LRP1: variants seen among roughly 807,000 people sequenced by gnomAD.
LRP1 encodes prolow-density lipoprotein receptor-related protein 1.
A neutral mutation model predicts 541.5 loss-of-function variants in LRP1; 51 were observed. The observed-to-expected ratio is 0.09, with a 90% CI of 0.08 to 0.12. The LOEUF (loss-of-function observed/expected upper bound fraction) is 0.12. Ranked by LOEUF, LRP1 falls within the 10% of genes least tolerant of loss-of-function variation. LRP1 has a pLI of 1.00. For synonymous variants in LRP1, 2,219 were observed against 2,470.8 expected (o/e 0.90, Z 3.02); for missense variants, 3,878 against 6,376.2 (o/e 0.61, Z 13.34).
Position 57,199,305 on chromosome 12 carries a change from C to T in LRP1, c.9770C>T (p.Ala3257Val), listed in dbSNP as rs1478862332. The change falls in exon 61 of 89, where the codon GCC becomes GTC. Residue 3257 changes from alanine to valine, a missense_variant. Physicochemically the swap from Ala to Val is moderately conservative, Grantham distance 64 (BLOSUM62 0). Coordinates refer to ENST00000243077, the MANE Select transcript of LRP1 (RefSeq NM_002332.3). ...TGGGAAACAAAGTCCATTAACCGAG[C>T]CCACAAGACCACGGGCACCAACAAA... ...TDWETKSINR[A>V]HKTTGTNKTL... is the part of the protein sequence containing the mutation. 8.1e-6 allele frequency: 13 copies of T among 1,613,802 alleles called. No homozygotes were observed. The highest frequency in any genetic ancestry group is 1.0e-5 in the Non-Finnish European group (12 of 1,179,980).
At position 57,195,943 on chromosome 12, in the gene LRP1, G is replaced by A. The variant is rs1276547517; in HGVS notation, c.8641G>A (p.Glu2881Lys). 5 of 1,613,584 alleles carry A rather than the reference G, an allele frequency of 3.1e-6. No homozygotes were observed. The highest frequency in any genetic ancestry group is 4.2e-6 in the Non-Finnish European group (5 of 1,180,038). Residue 2881 changes from glutamate (E) to lysine (K), a missense_variant, in exon 54 of 89, where the codon GAG becomes AAG. Coordinates refer to ENST00000243077, the MANE Select transcript of LRP1 (RefSeq NM_002332.3). The stretch of plus-strand genomic sequence containing the variant: ...CTCCCGCCAGTGGGAGTGTGATGGC[G>A]AGAATGACTGCCACGACCAGAGTGA... ...LSSRQWECDG[E>K]NDCHDQSDEA...
chr12:57,198,511 A>G lies in LRP1; in HGVS notation c.9517A>G (p.Ile3173Val), dbSNP rs771879402. 4.3e-6 allele frequency: 7 copies of G among 1,614,114 alleles called. No homozygotes were observed. Among genetic ancestry groups the G allele is most frequent in the African/African-American group, 1.3e-5 (1 of 75,070 alleles). ...GGGTGACCATTCACTGATCGGCCGC[A>G]TCGGCATGGATGGGTCCAGCCGCAG... ...DWGDHSLIGR[I>V]GMDGSSRSVI... Residue 3173 changes from isoleucine to valine, a missense_variant, in exon 60 of 89, where the codon ATC (isoleucine) becomes GTC (valine). By Grantham distance (29) the Ile-to-Val change is conservative. This residue lies in a region of LRP1 where 1,100 missense variants were observed against 1,827.4 expected (regional missense o/e 0.60). Coordinates refer to ENST00000243077, the MANE Select transcript of LRP1 (RefSeq NM_002332.3).
chr12:57,161,592 C>G (rs568889856), intron 13 of LRP1, among the ~76,000 whole-genome samples: 1 of 152,252 alleles, frequency 6.6e-6, no homozygotes, highest in Non-Finnish European at 1.5e-5. Context: ...CCCTGACCCC[C>G]TCTCTGGTCT....
At chr12:57,152,665 G>C (rs1004905640) in intron 6 of LRP1, among the ~76,000 whole-genome samples, 3 of 152,194 alleles carry the variant, frequency 2.0e-5, no homozygotes, top group African/African-American at 7.2e-5. Context: ...AGTACTGGGG[G>C]CCCAGAGGAA....
intron 4 of LRP1, 38 bp from the exon 5 acceptor site, chr12:57,144,934 C>G (rs1171804346): frequency 1.2e-6 from 2 of 1,604,752 alleles, no homozygotes; most frequent in Non-Finnish European, 1.7e-6. Context: ...GCCCTTGTCA[C>G]ACTGGAAATG....
At chr12:57,145,899 G>A (rs1175787288) in intron 6 of LRP1, among the ~76,000 whole-genome samples, 1 of 152,128 alleles carries the variant, frequency 6.6e-6, no homozygotes, top group Non-Finnish European at 1.5e-5. Flanking sequence ...AGGAGCTGGG[G>A]CCCAGCTGCT....
chr12:57,158,427 G>A lies in LRP1; in HGVS notation c.1587G>A (p.Val529=), dbSNP rs766962176. The A allele has an allele frequency of 1.9e-6, 3 of 1,612,950 alleles. No homozygotes were observed. Among genetic ancestry groups the A allele is most frequent in the Non-Finnish European group, 1.7e-6 (2 of 1,178,988 alleles). ...CKKPEHELFL[V]YGKGRPGIIR... ...AGCCGGAGCATGAGCTGTTCCTCGTGTATGGCAAGGGCCGGCCAGGCATCA... is the reference window on the plus strand; with the variant it reads ...AGCCGGAGCATGAGCTGTTCCTCGTATATGGCAAGGGCCGGCCAGGCATCA... Residue 529 remains valine (V), a synonymous_variant, in exon 11 of 89, where the codon GTG becomes GTA. Coordinates refer to ENST00000243077, the MANE Select transcript of LRP1 (RefSeq NM_002332.3). This position sits in a 1 kb window ranked among gnomAD's most constrained non-coding sequence, Gnocchi z 5.3.
chr12:57,198,111 C>A, intron 58 of LRP1, 45 bp from the exon 59 acceptor site: 1 of 1,546,184 alleles, frequency 6.5e-7, no homozygotes, highest in South Asian at 1.1e-5. Context: ...TGCAGGTCCT[C>A]CCCCAGGTCA....
At chr12:57,187,118 G>T (rs974671789) in intron 41 of LRP1, 149 bp from the exon 42 acceptor site, 9 of 720,586 alleles carry the variant, frequency 1.2e-5, no homozygotes, top group African/African-American at 1.8e-5. Flanking sequence ...TGGTGCCCCC[G>T]AGCCCTCTCT....
In LRP1 at chr12:57,205,879, G is replaced by C. The variant is rs1452406102; in HGVS notation, c.11590+202G>C. On this transcript the variant is annotated intron_variant, in intron 75 of 88. Coordinates refer to ENST00000243077, the MANE Select transcript of LRP1 (RefSeq NM_002332.3). This position sits in a 1 kb window ranked among gnomAD's most constrained non-coding sequence, Gnocchi z 4.6. Reference sequence around the variant, plus strand: ...GGGGCTGGCTGACTGAAGGAGTCTGGGGTGTGGCAGTGCTCTGAATTGCAC... The same window carrying C: ...GGGGCTGGCTGACTGAAGGAGTCTGCGGTGTGGCAGTGCTCTGAATTGCAC... The C allele has an allele frequency of 1.4e-6, 1 of 713,952 alleles. No homozygotes were observed. The highest frequency in any genetic ancestry group is 2.7e-5 in the East Asian group (1 of 36,394). The allele number at this position is 713,952 out of a possible 1,614,324, so 44.2% of individuals were successfully genotyped here. A position where few individuals can be genotyped will look rare whatever the true frequency, so the allele number is the denominator to read the frequency against.
At position 57,154,255 on chromosome 12, in the gene LRP1, G is replaced by A. The variant is rs781105418; in HGVS notation, c.889G>A (p.Val297Met). The A allele has an allele frequency of 1.1e-5, 18 of 1,614,096 alleles. No individual in the cohort carries two copies. The South Asian group carries it at 2.0e-4, about 18-fold the overall frequency. ...IDWLTGNFYF[V>M]DDIDDRIFVC... ...CTGGCTGACAGGCAACTTCTACTTT[G>A]TGGATGACATCGATGATAGGATCTT... The change falls in exon 7 of 89, where the codon GTG becomes ATG. Residue 297 changes from valine to methionine, a missense_variant. Val to Met is a conservative substitution (Grantham distance 21). Transcript: ENST00000243077. This position sits in a 1 kb window ranked among gnomAD's most constrained non-coding sequence, Gnocchi z 4.6.
chr12:57,161,614 A>G (rs1283851043), intron 13 of LRP1, among the ~76,000 whole-genome samples: 1 of 151,080 alleles, frequency 6.6e-6, no homozygotes, highest in Non-Finnish European at 1.5e-5. Context: ...TTTTCTCCCC[A>G]CTTCCTTCAT....
chr12:57,178,885 C>G lies in LRP1; in HGVS notation c.4607-5C>G, dbSNP rs532127699. ...GGCTTCTTCTCTTCTCCACCCTGCC[C>G]CCAGCTCCCAATCCCTGTGAGGCCA... is the stretch of plus-strand genomic sequence containing the variant. On this transcript the variant is annotated splice_region_variant and splice_polypyrimidine_tract_variant and intron_variant, in intron 27 of 88. Transcript: ENST00000243077. The surrounding 1 kb of genome is among the most constrained non-coding windows in gnomAD (Gnocchi z 5.8). The G allele has an allele frequency of 1.1e-5, 18 of 1,610,370 alleles. No homozygotes were observed. In the South Asian group the frequency reaches 1.7e-4, roughly 15 times the overall value.
At position 57,201,942 on chromosome 12, in the gene LRP1, A is replaced by G. The variant is rs2036665800; in HGVS notation, c.10594+37A>G. ...CCCCACTCCAGGAGGAAGACAGTCTACCTGGGTGGGAGGCATGGCACCCCT... is the reference window on the plus strand; with the variant it reads ...CCCCACTCCAGGAGGAAGACAGTCTGCCTGGGTGGGAGGCATGGCACCCCT... On this transcript the variant is annotated intron_variant, in intron 67 of 88. Coordinates refer to ENST00000243077, the MANE Select transcript of LRP1 (RefSeq NM_002332.3). The surrounding 1 kb of genome is among the most constrained non-coding windows in gnomAD (Gnocchi z 6.4). 6.2e-7 allele frequency: 1 copy of G among 1,611,678 alleles called. No individual in the cohort carries two copies. Among genetic ancestry groups the G allele is most frequent in the South Asian group, 1.1e-5 (1 of 90,978 alleles).
chr12:57,138,713 C>A lies in LRP1; in HGVS notation c.190+132C>A, dbSNP rs2035225558. On this transcript the variant is annotated intron_variant, in intron 2 of 88. Transcript: ENST00000243077. ...GCTCAGTGATTGTATTTGTCCATGA[C>A]ACAGCTAAAACTGTCCTTTACACCC... 4.6e-6 allele frequency: 6 copies of A among 1,303,104 alleles called. No individual in the cohort carries two copies. In the East Asian group the frequency reaches 1.4e-4, roughly 31 times the overall value. The allele number at this position is 1,303,104 out of a possible 1,614,324, so 80.7% of individuals were successfully genotyped here.
Position 57,206,323 on chromosome 12 carries a change from C to T in LRP1, c.11591-150C>T. ...GTCCAGAGGCTGAGGTTGGAGCCTG[C>T]AACCCTGAGCAGGGAGGGTAAGCAG... On this transcript the variant is annotated intron_variant, in intron 75 of 88. Transcript: ENST00000243077. The surrounding 1 kb of genome is among the most constrained non-coding windows in gnomAD (Gnocchi z 4.7). The T allele has an allele frequency of 3.8e-6, 3 of 796,182 alleles. 1 individual carries two copies. In the South Asian group the frequency reaches 5.1e-5, roughly 13 times the overall value. 49.3% of individuals were successfully genotyped at this position (796,182 alleles called of 1,614,324 possible). A position where few individuals can be genotyped will look rare whatever the true frequency, so the allele number is the denominator to read the frequency against.
rs2036201455 is a variant in LRP1, at chr12:57,183,187, T to C, written c.5663-192T>C. ...GGTCCTGCAGGTGGTTCCCCAGAGC[T>C]ACCAGCCAGGTGCGCTTCCTCCCGG... On this transcript the variant is annotated intron_variant, in intron 34 of 88. Transcript: ENST00000243077. This position sits in a 1 kb window ranked among gnomAD's most constrained non-coding sequence, Gnocchi z 6.1. Among the ~76,000 whole-genome samples, 1 of 151,988 alleles carries C rather than the reference T, an allele frequency of 6.6e-6. No individual in the cohort carries two copies. Among genetic ancestry groups the C allele is most frequent in the South Asian group, 2.1e-4 (1 of 4,816 alleles).
At chr12:57,207,111 C>T (rs1198572940) in intron 76 of LRP1, among the ~76,000 whole-genome samples, 2 of 151,918 alleles carry the variant, frequency 1.3e-5, no homozygotes, top group Non-Finnish European at 2.9e-5. Context: ...GGCATGGTGG[C>T]GGGCGCCTGT....
intron 24 of LRP1, 100 bp from the exon 25 acceptor site, chr12:57,176,941 G>A (rs2036059222): frequency 2.0e-6 from 2 of 978,864 alleles, no homozygotes; most frequent in South Asian, 1.4e-5. Context: ...TGGCAGAAGT[G>A]CCAGGGTTGA....
Sources: gnomAD v4.1 joint callset for allele counts (sites outside exome capture counted in the v4.1 genomes callset) on GRCh38, gnomAD v4.1.1 for gene constraint, gnomAD v4.1.1 regional missense constraint, Gnocchi (gnomAD v3.1) non-coding constraint, MANE v1.5 for transcripts, NCBI Gene and HGNC (gene_info 2026-07-23, HGNC 2026-07-21) for gene names.